PPM1H: variants seen among roughly 807,000 people sequenced by gnomAD.
PPM1H encodes protein phosphatase, Mg2+/Mn2+ dependent 1H.
A neutral mutation model predicts 54.9 loss-of-function variants in PPM1H; 27 were observed. That is an observed-to-expected ratio of 0.49 (90% CI 0.36 to 0.68). The LOEUF is 0.68. Ranked by LOEUF, PPM1H falls within the 30% of genes least tolerant of loss-of-function variation. The pLI is 0.00. For synonymous variants in PPM1H, 305 were observed against 270.8 expected (o/e 1.13, Z -1.24); for missense variants, 596 against 667.8 (o/e 0.89, Z 1.19).
rs981835879 is a variant in PPM1H at position 62,838,794 on chromosome 12, G to A, written c.246-6515C>T. Among the ~76,000 whole-genome samples the A allele has an allele frequency of 5.0e-3, 661 of 131,980 alleles. 97 individuals carry two copies. The highest frequency in any genetic ancestry group is 0.019 in the African/African-American group (588 of 31,432). 86.6% of individuals were successfully genotyped at this position (131,980 alleles called of 152,430 possible). A position where few individuals can be genotyped will look rare whatever the true frequency, so the allele number is the denominator to read the frequency against. ...AAATTAGCCGGGCGTAGTGGCGGGC[G>A]CCTGTAGTCCCAGCTACTCGGGAGG... On this transcript the variant is annotated intron_variant, in intron 1 of 9. Transcript: ENST00000228705.
At chr12:62,925,720 T>G (rs1333909380) in intron 1 of PPM1H, among the ~76,000 whole-genome samples, 1 of 152,228 alleles carries the variant, frequency 6.6e-6, no homozygotes, top group Admixed American at 6.5e-5. Context: ...TCAAGCCATA[T>G]AGCCATATTT....
At chr12:62,748,092 A>T (rs2076422427) in intron 4 of PPM1H, among the ~76,000 whole-genome samples, 1 of 152,164 alleles carries the variant, frequency 6.6e-6, no homozygotes, top group Admixed American at 6.6e-5. Flanking sequence ...AAAGTCCTCC[A>T]AGTGGCCGGG....
intron 1 of PPM1H, among the ~76,000 whole-genome samples, chr12:62,873,983 G>A (rs1328599322): frequency 6.6e-6 from 1 of 152,104 alleles, no homozygotes; most frequent in East Asian, 1.9e-4. Flanking sequence ...CTTGCAGGGG[G>A]AAATATATGC....
chr12:62,665,551 C>T (rs939884114), intron 9 of PPM1H, among the ~76,000 whole-genome samples: 4 of 152,200 alleles, frequency 2.6e-5, no homozygotes, highest in African/African-American at 9.6e-5. Flanking sequence ...TCTAAGCCAT[C>T]TACTGGATTA....
chr12:62,666,075 G>T (rs1186382197), intron 9 of PPM1H, among the ~76,000 whole-genome samples: 2 of 150,898 alleles, frequency 1.3e-5, no homozygotes, highest in Non-Finnish European at 3.0e-5. Flanking sequence ...ATTATTGTTG[G>T]CTTTCTTTTG....
chr12:62,763,325 A>G (rs342147), intron 4 of PPM1H, among the ~76,000 whole-genome samples: 54,219 of 152,028 alleles, frequency 0.36, 9,846 homozygotes, highest in Middle Eastern at 0.47. Context: ...TCTATAAACC[A>G]TGGCCATCAA....
intron 6 of PPM1H, among the ~76,000 whole-genome samples, chr12:62,699,363 A>T (rs191633291): frequency 3.3e-5 from 5 of 152,040 alleles, no homozygotes; most frequent in Admixed American, 6.6e-5. Flanking sequence ...CCCCCAGCTA[A>T]TTTTTTGTAT....
At chr12:62,720,607 T>A (rs534673310) in intron 5 of PPM1H, 103 of 293,712 alleles carry the variant, frequency 3.5e-4, no homozygotes, top group African/African-American at 2.0e-3. Context: ...GGTATACTGG[T>A]GAGATACGGG....
chr12:62,934,661 C>T lies in PPM1H; in HGVS notation c.76G>A (p.Gly26Ser). The T allele has an allele frequency of 1.2e-6, 2 of 1,601,362 alleles. No individual in the cohort carries two copies. Among genetic ancestry groups the T allele is most frequent in the Non-Finnish European group, 1.7e-6 (2 of 1,175,308 alleles). The change falls in exon 1 of 10, where the codon GGC becomes AGC. Residue 26 changes from glycine to serine, a missense_variant. Gly to Ser is a moderately conservative substitution (Grantham distance 56). This residue lies in a region of PPM1H where 382 missense variants were observed against 387.1 expected (regional missense o/e 0.99). Transcript: ENST00000228705. This position sits in a 1 kb window ranked among gnomAD's most constrained non-coding sequence, Gnocchi z 4.2. ...IMAGSSGSEH[G>S]GGSCGGSDLP... ...TCCGAGCCTCCGCAGCTGCCGCCGCCGTGCTCGGAGCCTGAGCTGCCAGCC... is the reference window on the plus strand; with the variant it reads ...TCCGAGCCTCCGCAGCTGCCGCCGCTGTGCTCGGAGCCTGAGCTGCCAGCC...
At chr12:62,800,039 G>T (rs535206) in intron 3 of PPM1H, among the ~76,000 whole-genome samples, 21,661 of 152,128 alleles carry the variant, frequency 0.14, 2,225 homozygotes, top group African/African-American at 0.3. Flanking sequence ...GCTAGTCAAA[G>T]GGTAAATGTT....
intron 1 of PPM1H, among the ~76,000 whole-genome samples, chr12:62,851,470 A>G (rs1036540532): frequency 1.2e-4 from 18 of 152,194 alleles, no homozygotes; most frequent in South Asian, 6.2e-4. Context: ...TCAGAGGCCA[A>G]GGTGGGTGGA....
rs918507610 is a variant in PPM1H at position 62,801,868 on chromosome 12, ATCT to A, written c.701_703del (p.Lys234del). ...TCCGATGACCAGGCACTCATGGGGA[ATCT>A]TCTTCTCGGTAAAGAAGCGTGTGGG... On this transcript the variant is annotated inframe_deletion, in exon 3 of 10. Transcript: ENST00000228705. 6.2e-6 allele frequency: 10 copies of A among 1,613,700 alleles called. No individual in the cohort carries two copies. The Admixed American group carries it at 6.7e-5, about 11-fold the overall frequency.
intron 1 of PPM1H, among the ~76,000 whole-genome samples, chr12:62,877,534 A>C (rs927532969): frequency 1.3e-5 from 2 of 152,114 alleles, no homozygotes; most frequent in Non-Finnish European, 1.5e-5. Flanking sequence ...TCTGCTGAAC[A>C]CTCGATGTAC....
At chr12:62,744,490 A>T (rs551426363) in intron 4 of PPM1H, among the ~76,000 whole-genome samples, 1 of 146,612 alleles carries the variant, frequency 6.8e-6, no homozygotes, top group Non-Finnish European at 1.5e-5. Flanking sequence ...AAAAAAAAGG[A>T]GTGAAATTCT....
chr12:62,731,577 G>A (rs2076321393), intron 5 of PPM1H, among the ~76,000 whole-genome samples: 1 of 152,210 alleles, frequency 6.6e-6, no homozygotes. Flanking sequence ...TCGGCGTTGA[G>A]AGCTGGGGGT....
chr12:62,779,089 G>A (rs529828882), intron 4 of PPM1H, among the ~76,000 whole-genome samples: 3 of 152,172 alleles, frequency 2.0e-5, no homozygotes, highest in East Asian at 3.9e-4. Flanking sequence ...CCAGGCTGGA[G>A]TGCAGTGGCG....
At chr12:62,913,836 G>A (rs892319884) in intron 1 of PPM1H, among the ~76,000 whole-genome samples, 4 of 152,028 alleles carry the variant, frequency 2.6e-5, no homozygotes, top group Non-Finnish European at 5.9e-5. Context: ...GAGTAGCTGG[G>A]ATTATACGCA....
chr12:62,802,054 T>A lies in PPM1H; in HGVS notation c.518A>T (p.Gln173Leu). 1.2e-5 allele frequency: 20 copies of A among 1,613,356 alleles called. No individual in the cohort carries two copies. Among genetic ancestry groups the A allele is most frequent in the Non-Finnish European group, 1.7e-5 (20 of 1,179,756 alleles). Residue 173 changes from glutamine to leucine, a missense_variant, in exon 3 of 10, where the codon CAG (glutamine) becomes CTG (leucine). Gln to Leu is a moderately radical substitution (Grantham distance 113). This residue lies in a region of PPM1H where 382 missense variants were observed against 387.1 expected (regional missense o/e 0.99). Coordinates refer to ENST00000228705, the MANE Select transcript of PPM1H (RefSeq NM_020700.2). Reference protein sequence around the residue: ...SRLLQHHITEQLQDIVDILKN... With the variant: ...SRLLQHHITELLQDIVDILKN... ...CAGGATGTCCACGATGTCCTGCAGC[T>A]GCTCCGTGATGTGGTGCTGCAGCAG... is the stretch of plus-strand genomic sequence containing the variant.
chr12:62,663,948 C>T (rs576601059), intron 9 of PPM1H, among the ~76,000 whole-genome samples: 9 of 150,930 alleles, frequency 6.0e-5, no homozygotes, highest in Admixed American at 2.0e-4. Context: ...CTGAGATTTG[C>T]GCCATTGCAC....
Sources: allele counts gnomAD v4.1 joint callset (sites outside exome capture counted in the v4.1 genomes callset), GRCh38; gene constraint gnomAD v4.1.1; regional missense constraint gnomAD v4.1.1; non-coding constraint Gnocchi (gnomAD v3.1); transcripts MANE v1.5; gene names NCBI Gene and HGNC (gene_info 2026-07-23, HGNC 2026-07-21).